The following UBE2E2 variants were observed in gnomAD, a reference collection of about 807,000 sequenced individuals.
UBE2E2 encodes ubiquitin-conjugating enzyme E2 E2.
A neutral mutation model predicts 24.7 loss-of-function variants in UBE2E2; 6 were observed. The observed-to-expected ratio is 0.24, with a 90% CI of 0.13 to 0.48. UBE2E2 has a LOEUF of 0.48. Among genes scored for constraint, UBE2E2 ranks in the 20% least tolerant of loss-of-function variants. The pLI is 0.99. For synonymous variants in UBE2E2, 104 were observed against 83.6 expected (o/e 1.24, Z -1.33); for missense variants, 169 against 245.0 (o/e 0.69, Z 2.07).
chr3:23,303,901 G>A (rs975093342), intron 3 of UBE2E2, among the ~76,000 whole-genome samples: 29 of 152,120 alleles, frequency 1.9e-4, no homozygotes, highest in Non-Finnish European at 3.7e-4. Context: ...GCTCTCCTGG[G>A]CAAATTTCAA....
intron 3 of UBE2E2, among the ~76,000 whole-genome samples, chr3:23,491,354 A>G (rs2125449657): frequency 6.6e-6 from 1 of 152,146 alleles, no homozygotes; most frequent in African/African-American, 2.4e-5. Context: ...CTGTTTCTTA[A>G]TATGTCTTCT....
intron 3 of UBE2E2, among the ~76,000 whole-genome samples, chr3:23,299,741 T>C (rs1179790367): frequency 6.6e-6 from 1 of 152,236 alleles, no homozygotes; most frequent in East Asian, 1.9e-4. Context: ...GGTGTGGTGC[T>C]GAAAAGAATG....
At chr3:23,373,645 G>T (rs1696448939) in intron 3 of UBE2E2, among the ~76,000 whole-genome samples, 1 of 152,148 alleles carries the variant, frequency 6.6e-6, no homozygotes, top group Non-Finnish European at 1.5e-5. Context: ...TAGGTGAATG[G>T]GGAGTGTAAT....
intron 3 of UBE2E2, among the ~76,000 whole-genome samples, chr3:23,350,333 C>T (rs999685172): frequency 1.3e-5 from 2 of 152,220 alleles, no homozygotes; most frequent in African/African-American, 4.8e-5. Flanking sequence ...GAGCACCTCT[C>T]CTCCTCCAAA....
intron 2 of UBE2E2, among the ~76,000 whole-genome samples, chr3:23,216,653 A>C (rs1411591563): frequency 6.6e-6 from 1 of 152,150 alleles, no homozygotes; most frequent in Non-Finnish European, 1.5e-5. Context: ...GTAGAATGTA[A>C]CACATGAGGA....
intron 3 of UBE2E2, among the ~76,000 whole-genome samples, chr3:23,255,409 T>A (rs1697694294): frequency 6.6e-6 from 1 of 152,106 alleles, no homozygotes; most frequent in South Asian, 2.1e-4. Flanking sequence ...GTAATATTTA[T>A]TTGACTGTTT....
At chr3:23,574,418 G>A (rs573487448) in intron 5 of UBE2E2, among the ~76,000 whole-genome samples, 1 of 152,238 alleles carries the variant, frequency 6.6e-6, no homozygotes, top group South Asian at 2.1e-4. Flanking sequence ...ATGCTTGAGG[G>A]GATGAATACT....
chr3:23,571,447 G>A (rs928217146), intron 5 of UBE2E2, among the ~76,000 whole-genome samples: 2 of 150,950 alleles, frequency 1.3e-5, no homozygotes, highest in South Asian at 2.1e-4. Context: ...GTGCCACCAC[G>A]CCTGGCTAAT....
chr3:23,539,715 G>A (rs560463844), intron 5 of UBE2E2, among the ~76,000 whole-genome samples: 4 of 152,230 alleles, frequency 2.6e-5, no homozygotes, highest in South Asian at 2.1e-4. Context: ...AGTTGTTCAC[G>A]CATCCATTTC....
chr3:23,546,233 C>G (rs769442657), intron 5 of UBE2E2, among the ~76,000 whole-genome samples: 1 of 152,200 alleles, frequency 6.6e-6, no homozygotes, highest in East Asian at 1.9e-4. Context: ...TATGAAAATT[C>G]TCTTCAGTTT....
Position 23,260,513 on chromosome 3 carries a change from T to G in UBE2E2, c.227+43201T>G, listed in dbSNP as rs561804297. Among the ~76,000 whole-genome samples, 3 of 152,302 alleles carry G rather than the reference T, an allele frequency of 2.0e-5. No homozygotes were observed. The South Asian group carries it at 6.2e-4, about 32-fold the overall frequency. ...GATATTGTCCCTATAATCTAATTTCTATAATTTAATGGAACTTATGGCCTG... is the reference window on the plus strand; with the variant it reads ...GATATTGTCCCTATAATCTAATTTCGATAATTTAATGGAACTTATGGCCTG... On this transcript the variant is annotated intron_variant, in intron 3 of 5. Transcript: ENST00000396703.
intron 3 of UBE2E2, among the ~76,000 whole-genome samples, chr3:23,251,673 A>C (rs1243237471): frequency 6.6e-6 from 1 of 152,224 alleles, no homozygotes; most frequent in Non-Finnish European, 1.5e-5. Context: ...TAGAATTAAC[A>C]TATTCAAACC....
At chr3:23,538,843 G>T (rs1695324161) in intron 5 of UBE2E2, among the ~76,000 whole-genome samples, 1 of 152,094 alleles carries the variant, frequency 6.6e-6, no homozygotes, top group Admixed American at 6.6e-5. Flanking sequence ...AATTTTAAAT[G>T]ATATTAAAAG....
intron 3 of UBE2E2, among the ~76,000 whole-genome samples, chr3:23,417,276 C>T (rs1697662593): frequency 6.6e-6 from 1 of 152,180 alleles, no homozygotes; most frequent in South Asian, 2.1e-4. Flanking sequence ...CTATTCCTTT[C>T]TGTTTGTTCA....
At chr3:23,487,643 A>G (rs1211335731) in intron 3 of UBE2E2, among the ~76,000 whole-genome samples, 1 of 152,198 alleles carries the variant, frequency 6.6e-6, no homozygotes, top group African/African-American at 2.4e-5. Context: ...TGGAGTAGCT[A>G]CTTTTTCAGA....
At chr3:23,512,050 G>A (rs1174702753) in intron 4 of UBE2E2, among the ~76,000 whole-genome samples, 2 of 152,004 alleles carry the variant, frequency 1.3e-5, no homozygotes, top group Non-Finnish European at 2.9e-5. Flanking sequence ...TAAGGCCAGG[G>A]TCAGGATTAG....
At chr3:23,239,531 G>A (rs944907340) in intron 3 of UBE2E2, among the ~76,000 whole-genome samples, 1 of 151,988 alleles carries the variant, frequency 6.6e-6, no homozygotes, top group South Asian at 2.1e-4. Flanking sequence ...AATCATACAA[G>A]GTGTGGCCTT....
At chr3:23,231,610 C>T (rs1483663296) in intron 3 of UBE2E2, among the ~76,000 whole-genome samples, 2 of 152,172 alleles carry the variant, frequency 1.3e-5, no homozygotes, top group African/African-American at 4.8e-5. Flanking sequence ...CACTCTCTAC[C>T]TGGAGGTAGA....
intron 3 of UBE2E2, among the ~76,000 whole-genome samples, chr3:23,318,594 A>G (rs115872768): frequency 0.029 from 4,423 of 152,116 alleles, 112 homozygotes; most frequent in East Asian, 0.13. Flanking sequence ...AGGCACGTCT[A>G]TGTGGTGGCA....
Sources: gnomAD v4.1 joint callset for allele counts (sites outside exome capture counted in the v4.1 genomes callset) on GRCh38, gnomAD v4.1.1 for gene constraint, MANE v1.5 for transcripts, NCBI Gene and HGNC (gene_info 2026-07-23, HGNC 2026-07-21) for gene names.